Variants in NFATC1 observed in about 807,000 individuals in gnomAD.
NFATC1 encodes the protein nuclear factor of activated T-cells, cytoplasmic 1.
A neutral mutation model predicts 76.0 loss-of-function variants in NFATC1; 22 were observed. The ratio of observed to expected loss-of-function variants is 0.29; its 90% confidence interval spans 0.21 to 0.41. The LOEUF is 0.41. Among genes scored for constraint, NFATC1 ranks in the 10% least tolerant of loss-of-function variants. The pLI, the probability that NFATC1 is intolerant of heterozygous loss-of-function variation, is 1.00. For missense variants in NFATC1, 1,357 were observed against 1,337.7 expected, an observed-to-expected ratio of 1.01 and a Z score of -0.23; for synonymous variants, 704 against 613.1, an observed-to-expected ratio of 1.15 and a Z score of -2.19.
At chr18:79,448,174 A>T (rs922799899) in intron 3 of NFATC1, 1 of 155,534 alleles carries the variant, frequency 6.4e-6, no homozygotes, top group Admixed American at 6.2e-5. Context: ...TGGTTGCCCT[A>T]GGCAGTGTCT....
intron 9 of NFATC1, among the ~76,000 whole-genome samples, chr18:79,492,373 G>C (rs1187679043): frequency 6.6e-6 from 1 of 152,166 alleles, no homozygotes; most frequent in African/African-American, 2.4e-5. Flanking sequence ...GACCAGCCTG[G>C]TCAACATGGT....
intron 3 of NFATC1, among the ~76,000 whole-genome samples, chr18:79,444,804 C>G (rs1357308331): frequency 6.6e-6 from 1 of 152,246 alleles, no homozygotes; most frequent in East Asian, 1.9e-4. Flanking sequence ...CACACACATG[C>G]CTGCACACGC....
rs758607406 is a variant in NFATC1 at position 79,486,612 on chromosome 18, G to C, written c.2457G>C (p.Pro819=). 11 of 1,596,160 alleles carry C rather than the reference G, an allele frequency of 6.9e-6. No individual in the cohort carries two copies. Among genetic ancestry groups the C allele is most frequent in the South Asian group, 1.1e-5 (1 of 90,246 alleles). ...CCGGCTCGCCCGGGCAGCCACCCCC[G>C]GCCCTGCTGCCACAGCAGGTGAGTG... ...THPGSPGQPP[P]ALLPQQVSAP... is the part of the protein sequence containing the mutation. Residue 819 remains proline, a synonymous_variant, in exon 9 of 10, where the codon CCG becomes CCC. Transcript: ENST00000427363.
chr18:79,451,785 C>A lies in NFATC1; in HGVS notation c.1872C>A (p.Asp624Glu). 6.2e-7 allele frequency: 1 copy of A among 1,612,384 alleles called. No homozygotes were observed. Among genetic ancestry groups the A allele is most frequent in the Non-Finnish European group, 8.5e-7 (1 of 1,179,236 alleles). ...TGTCTGGCCACAACTTCCTGCAGGA[C>A]TCCAAGGTCATTTTCGTGGAGAAAG... ...MVLSGHNFLQ[D>E]SKVIFVEKAP... The change falls in exon 6 of 10, where the codon GAC (aspartate) becomes GAA (glutamate). Residue 624 changes from aspartate to glutamate, a missense_variant. This residue lies in a region of NFATC1 where 242 missense variants were observed against 329.2 expected (regional missense o/e 0.74). Coordinates refer to ENST00000427363, the MANE Select transcript of NFATC1 (RefSeq NM_001278669.2).
At chr18:79,474,527 ACACT>A (rs559057712) in intron 8 of NFATC1, among the ~76,000 whole-genome samples, 107 of 146,710 alleles carry the variant, frequency 7.3e-4, no homozygotes, top group Middle Eastern at 3.9e-3. Flanking sequence ...GCGTGTTCTC[ACACT>A]CACTGTCGAC....
At chr18:79,482,328 G>C (rs1185668000) in intron 8 of NFATC1, among the ~76,000 whole-genome samples, 413 of 123,408 alleles carry the variant, frequency 3.3e-3, no homozygotes, top group Admixed American at 7.2e-3. Flanking sequence ...TTCCTGGGGT[G>C]TCATTCCAGC....
intron 1 of NFATC1, among the ~76,000 whole-genome samples, chr18:79,396,986 G>GT (rs888567847): frequency 1.3e-5 from 2 of 152,220 alleles, no homozygotes; most frequent in African/African-American, 4.8e-5. Context: ...CAGAGAAGAT[G>GT]TTTCAGGCAA....
chr18:79,400,161 CGAGTTTATTTAAAAACTCGTGTCCGGG>C, intron 1 of NFATC1: 13 of 1,074,328 alleles, frequency 1.2e-5, no homozygotes, highest in East Asian at 1.1e-4. Flanking sequence ...GGGGGGGACA[CGAGTTTATTTAAAAACTCGTGTCCGGG>C]GAGTTTATTT....
chr18:79,467,345 C>T lies in NFATC1; in HGVS notation c.1960-105C>T, dbSNP rs571094771. The T allele has an allele frequency of 5.2e-6, 6 of 1,152,490 alleles. No individual in the cohort carries two copies. The South Asian group carries it at 9.2e-5, about 18-fold the overall frequency. The allele number at this position is 1,152,490 out of a possible 1,614,324, so 71.4% of individuals were successfully genotyped here. A position where few individuals can be genotyped will look rare whatever the true frequency, so the allele number is the denominator to read the frequency against. On this transcript the variant is annotated intron_variant, in intron 7 of 9. Transcript: ENST00000427363. ...GGCCGCCGTGGAAACGCGGGGTTGCCGTGTGGCCGCCGTGGAAACGCGGGG... is the reference window on the plus strand; with the variant it reads ...GGCCGCCGTGGAAACGCGGGGTTGCTGTGTGGCCGCCGTGGAAACGCGGGG...
chr18:79,527,838 C>A lies in NFATC1; in HGVS notation c.*261C>A. 1.8e-6 allele frequency: 1 copy of A among 553,560 alleles called. No individual in the cohort carries two copies. Among genetic ancestry groups the A allele is most frequent in the Non-Finnish European group, 3.2e-6 (1 of 312,140 alleles). The allele number at this position is 553,560 out of a possible 1,614,324, so 34.3% of individuals were successfully genotyped here. A position where few individuals can be genotyped will look rare whatever the true frequency, so the allele number is the denominator to read the frequency against. Reference sequence around the variant, plus strand: ...GGTGGCCGGGCTGAGCACGGGAGACCCACCGTGCAGGGGCCTTTCATGGGA... The same window carrying A: ...GGTGGCCGGGCTGAGCACGGGAGACACACCGTGCAGGGGCCTTTCATGGGA... On this transcript the variant is annotated 3_prime_UTR_variant, in exon 10 of 10. Coordinates refer to ENST00000427363, the MANE Select transcript of NFATC1 (RefSeq NM_001278669.2).
Position 79,465,240 on chromosome 18 carries a change from G to A in NFATC1, c.1960-2210G>A, listed in dbSNP as rs537547940. Among the ~76,000 whole-genome samples the A allele has an allele frequency of 9.2e-5, 14 of 152,246 alleles. No homozygotes were observed. Among genetic ancestry groups the A allele is most frequent in the Admixed American group, 2.0e-4 (3 of 15,302 alleles). The stretch of plus-strand genomic sequence containing the variant: ...TGTATTTAAGTGGCAGTGCTCCCAC[G>A]GAGATAGTATTTTTGTCATATAATT... On this transcript the variant is annotated intron_variant, in intron 7 of 9. Coordinates refer to ENST00000427363, the MANE Select transcript of NFATC1 (RefSeq NM_001278669.2). The surrounding 1 kb of genome is among the most constrained non-coding windows in gnomAD (Gnocchi z 4.2).
chr18:79,449,068 G>T, intron 4 of NFATC1, 84 bp downstream of exon 4: 3 of 1,390,164 alleles, frequency 2.2e-6, no homozygotes, highest in Non-Finnish European at 2.9e-6. Context: ...GGTCTGGCCA[G>T]CCCCCCGCAC....
chr18:79,412,533 C>T (rs891511737), intron 2 of NFATC1, among the ~76,000 whole-genome samples: 3 of 152,138 alleles, frequency 2.0e-5, no homozygotes, highest in African/African-American at 4.8e-5. Flanking sequence ...AGGTGCAGCC[C>T]CCATGCCTGC....
chr18:79,527,045 G>A (rs773403360), intron 9 of NFATC1: 9 of 157,130 alleles, frequency 5.7e-5, no homozygotes, highest in Admixed American at 1.2e-4. Context: ...TTTCCTCTGC[G>A]TCTGCCAGAA....
At position 79,474,438 on chromosome 18, in the gene NFATC1, C is replaced by T. The variant is rs192335067; in HGVS notation, c.2092+6856C>T. Reference sequence around the variant, plus strand: ...CTCACTGTCAACTTTGCAAGGGAAGCGTGTTCTCGCGCTCACTGTCGACGT... The same window carrying T: ...CTCACTGTCAACTTTGCAAGGGAAGTGTGTTCTCGCGCTCACTGTCGACGT... On this transcript the variant is annotated intron_variant, in intron 8 of 9. Coordinates refer to ENST00000427363, the MANE Select transcript of NFATC1 (RefSeq NM_001278669.2). Among the ~76,000 whole-genome samples the T allele has an allele frequency of 2.2e-3, 321 of 148,014 alleles. 8 individuals are homozygous for T. Among genetic ancestry groups the T allele is most frequent in the Admixed American group, 0.018 (264 of 14,928 alleles).
intron 1 of NFATC1, 71 bp downstream of exon 1, chr18:79,396,422 GC>G: frequency 1.0e-6 from 1 of 984,096 alleles, no homozygotes; most frequent in Non-Finnish European, 1.3e-6. Flanking sequence ...CCCCGACCCC[GC>G]CCCCGTCGCC....
intron 2 of NFATC1, among the ~76,000 whole-genome samples, chr18:79,430,171 A>G (rs2086540119): frequency 6.6e-6 from 1 of 152,378 alleles, no homozygotes; most frequent in Non-Finnish European, 1.5e-5. Flanking sequence ...GGCTGCGTTT[A>G]CACAAACTTA....
intron 3 of NFATC1, among the ~76,000 whole-genome samples, chr18:79,439,438 G>A (rs1237241415): frequency 1.3e-5 from 2 of 152,198 alleles, no homozygotes; most frequent in African/African-American, 2.4e-5. Flanking sequence ...CACACGCCAC[G>A]GCACCGCTGC....
chr18:79,485,082 G>A (rs1291688808), intron 8 of NFATC1, among the ~76,000 whole-genome samples: 1 of 152,238 alleles, frequency 6.6e-6, no homozygotes, highest in Non-Finnish European at 1.5e-5. Flanking sequence ...GCTCTCTGTG[G>A]TGGCGACTGT....
Sources: allele counts gnomAD v4.1 joint callset (sites outside exome capture counted in the v4.1 genomes callset), GRCh38; gene constraint gnomAD v4.1.1; regional missense constraint gnomAD v4.1.1; non-coding constraint Gnocchi (gnomAD v3.1); transcripts MANE v1.5; gene names NCBI Gene and HGNC (gene_info 2026-07-23, HGNC 2026-07-21).